Variants in PTPRM observed in about 807,000 individuals in gnomAD.
PTPRM encodes the protein protein tyrosine phosphatase receptor type M.
PTPRM carries 47 observed loss-of-function variants against 186.7 expected under a neutral mutation model. The observed-to-expected ratio is 0.25, with a 90% CI of 0.20 to 0.32. The LOEUF (loss-of-function observed/expected upper bound fraction) is 0.32. Ranked by LOEUF, PTPRM falls within the 10% of genes least tolerant of loss-of-function variation. PTPRM has a pLI of 1.00. For missense variants in PTPRM, 1,494 were observed against 1,865.0 expected (o/e 0.80, Z 3.66); for synonymous variants, 668 against 674.9 (o/e 0.99, Z 0.16).
intron 1 of PTPRM, among the ~76,000 whole-genome samples, chr18:7,639,035 G>A (rs2038383225): frequency 6.6e-6 from 1 of 151,996 alleles, no homozygotes; most frequent in Non-Finnish European, 1.5e-5. Flanking sequence ...TTGTTTTCCA[G>A]GTGAATTTAA....
intron 5 of PTPRM, among the ~76,000 whole-genome samples, chr18:7,941,029 T>C (rs915173303): frequency 6.6e-6 from 1 of 152,206 alleles, no homozygotes; most frequent in Non-Finnish European, 1.5e-5. Context: ...AAGTAAGTAC[T>C]GGTGACTTTT....
chr18:8,110,120 A>G (rs2091693985), intron 11 of PTPRM, among the ~76,000 whole-genome samples: 1 of 152,228 alleles, frequency 6.6e-6, no homozygotes, highest in Admixed American at 6.5e-5. Context: ...AAGCAACTTC[A>G]GGATTATAGC....
intron 19 of PTPRM, among the ~76,000 whole-genome samples, chr18:8,290,519 C>T (rs189283325): frequency 4.0e-5 from 6 of 151,168 alleles, no homozygotes; most frequent in South Asian, 4.2e-4. Context: ...AAAATGGTGG[C>T]GGTATGAGGG....
In PTPRM at chr18:7,889,691, G is replaced by A. The variant is rs562180582; in HGVS notation, c.468+1314G>A. Among the ~76,000 whole-genome samples the A allele has an allele frequency of 5.3e-5, 8 of 152,088 alleles. No homozygotes were observed. In the South Asian group the frequency reaches 1.7e-3, roughly 32 times the overall value. The stretch of plus-strand genomic sequence containing the variant: ...GCCATATGTGACGCAGAAAGGCATA[G>A]CACCTGAGTCTAAAAGAAGACACCC... On this transcript the variant is annotated intron_variant, in intron 3 of 32. Transcript: ENST00000580170.
intron 14 of PTPRM, among the ~76,000 whole-genome samples, chr18:8,184,532 G>A (rs1477670401): frequency 6.6e-6 from 1 of 152,114 alleles, no homozygotes; most frequent in Non-Finnish European, 1.5e-5. Context: ...GCCTCGGCCC[G>A]AGCCCATATC....
intron 31 of PTPRM, 91 bp downstream of exon 31, chr18:8,387,326 A>C (rs1206692981): frequency 1.5e-6 from 2 of 1,331,352 alleles, no homozygotes; most frequent in Admixed American, 2.2e-5. Context: ...TTCACTAGAA[A>C]TGGAGAAGAA....
At chr18:7,629,495 C>T (rs1463126397) in intron 1 of PTPRM, among the ~76,000 whole-genome samples, 3 of 152,074 alleles carry the variant, frequency 2.0e-5, no homozygotes, top group Non-Finnish European at 4.4e-5. Flanking sequence ...GGACCTGTTG[C>T]TGGGTAGAGG....
intron 4 of PTPRM, among the ~76,000 whole-genome samples, chr18:7,921,476 G>A (rs2050862228): frequency 6.6e-6 from 1 of 151,496 alleles, no homozygotes. Context: ...TGCCTCCCGG[G>A]TACATGCCAT....
chr18:8,217,151 T>C (rs991353402), intron 14 of PTPRM, among the ~76,000 whole-genome samples: 1 of 152,246 alleles, frequency 6.6e-6, no homozygotes, highest in African/African-American at 2.4e-5. Flanking sequence ...GCTTGTCATT[T>C]TCTAAAGTGA....
intron 3 of PTPRM, among the ~76,000 whole-genome samples, chr18:7,890,873 G>A (rs901150146): frequency 1.3e-5 from 2 of 152,054 alleles, no homozygotes; most frequent in East Asian, 1.9e-4. Flanking sequence ...TACATTTAAG[G>A]TTATGTTGTT....
intron 19 of PTPRM, among the ~76,000 whole-genome samples, chr18:8,265,423 C>T (rs11664196): frequency 0.012 from 1,869 of 152,266 alleles, 20 homozygotes; most frequent in Non-Finnish European, 0.02. Context: ...TGGGTTATTG[C>T]GTGGCTGCCA....
At chr18:8,198,969 T>G (rs9964860) in intron 14 of PTPRM, among the ~76,000 whole-genome samples, 5,531 of 152,024 alleles carry the variant, frequency 0.036, 314 homozygotes, top group African/African-American at 0.13. Flanking sequence ...GGCCTGAGAC[T>G]AGAGGAGGAG....
intron 1 of PTPRM, among the ~76,000 whole-genome samples, chr18:7,635,199 C>T (rs1046985488): frequency 3.3e-5 from 5 of 151,950 alleles, no homozygotes; most frequent in Non-Finnish European, 7.4e-5. Flanking sequence ...AATATTTTTC[C>T]AGCAGTATAG....
chr18:8,338,716 G>A (rs1332444173), intron 22 of PTPRM, among the ~76,000 whole-genome samples: 1 of 152,126 alleles, frequency 6.6e-6, no homozygotes, highest in African/African-American at 2.4e-5. Flanking sequence ...CTTCAAACAG[G>A]ACCTGGGAAA....
chr18:8,089,437 A>G (rs1329575916), intron 11 of PTPRM, among the ~76,000 whole-genome samples: 2 of 152,210 alleles, frequency 1.3e-5, no homozygotes, highest in African/African-American at 2.4e-5. Flanking sequence ...ATTATAAAGT[A>G]TAACTTGTAT....
intron 1 of PTPRM, among the ~76,000 whole-genome samples, chr18:7,723,690 T>C (rs1272605607): frequency 6.6e-6 from 1 of 152,206 alleles, no homozygotes; most frequent in South Asian, 2.1e-4. Flanking sequence ...CTCCTGTTGC[T>C]GTTATTCCTC....
chr18:8,147,889 C>G (rs540684500), intron 14 of PTPRM, among the ~76,000 whole-genome samples: 1 of 152,108 alleles, frequency 6.6e-6, no homozygotes, highest in Non-Finnish European at 1.5e-5. Flanking sequence ...TTTTCTGCAT[C>G]TATTGAGATA....
chr18:8,130,951 A>C (rs946979798), intron 13 of PTPRM, among the ~76,000 whole-genome samples: 2 of 152,206 alleles, frequency 1.3e-5, no homozygotes, highest in Non-Finnish European at 2.9e-5. Context: ...GCAAAAATGC[A>C]CGTAGAGTAG....
intron 1 of PTPRM, among the ~76,000 whole-genome samples, chr18:7,723,348 T>C (rs2040485262): frequency 6.6e-6 from 1 of 152,222 alleles, no homozygotes; most frequent in Non-Finnish European, 1.5e-5. Context: ...AAGCAAGCTT[T>C]TTCTAACATG....
Sources: allele counts gnomAD v4.1 joint callset (sites outside exome capture counted in the v4.1 genomes callset), GRCh38; gene constraint gnomAD v4.1.1; transcripts MANE v1.5; gene names NCBI Gene and HGNC (gene_info 2026-07-23, HGNC 2026-07-21).